EMC2: variants seen among roughly 807,000 people sequenced by gnomAD.
EMC2 encodes ER membrane protein complex subunit 2.
A neutral mutation model predicts 51.6 loss-of-function variants in EMC2; 37 were observed. That is an observed-to-expected ratio of 0.72 (90% confidence interval 0.55 to 0.94). EMC2 has a LOEUF of 0.94. EMC2 is among the 40% of genes least tolerant of loss of function. EMC2 has a pLI of 0.00. For synonymous variants in EMC2, 131 were observed against 112.4 expected (o/e 1.17, Z -1.04); for missense variants, 359 against 350.9 (o/e 1.02, Z -0.18).
chr8:108,486,544 T>C lies in EMC2; in HGVS notation c.840T>C (p.Tyr280=). Residue 280 remains tyrosine (Y), a synonymous_variant, in exon 11 of 11, where the codon TAT becomes TAC. Coordinates refer to ENST00000220853, the MANE Select transcript of EMC2 (RefSeq NM_014673.5). ...FAGRSKKETK[Y]SLKAVEDMLE... ...GTCGAAGTAAGAAGGAAACCAAATA[T>C]TCTCTTAAGGCTGTCGAAGACATGT... 2 of 1,594,840 alleles carry C rather than the reference T, an allele frequency of 1.3e-6. No homozygotes were observed. Among genetic ancestry groups the C allele is most frequent in the Non-Finnish European group, 1.7e-6 (2 of 1,172,632 alleles).
At chr8:108,463,518 T>A (rs561530266) in intron 5 of EMC2, among the ~76,000 whole-genome samples, 3 of 152,218 alleles carry the variant, frequency 2.0e-5, no homozygotes, top group Admixed American at 1.3e-4. Flanking sequence ...GAATACTTGT[T>A]GAAGGAATGC....
chr8:108,476,959 C>G, intron 9 of EMC2, 67 bp downstream of exon 9: 2 of 753,018 alleles, frequency 2.7e-6, no homozygotes, highest in Non-Finnish European at 4.7e-6. Context: ...TTAACTATCC[C>G]CTTCAATCAC....
At chr8:108,480,998 T>C (rs183956949) in intron 10 of EMC2, among the ~76,000 whole-genome samples, 1 of 152,270 alleles carries the variant, frequency 6.6e-6, no homozygotes, top group Admixed American at 6.5e-5. Flanking sequence ...TGGTTTTTGG[T>C]TTCTTGTAGA....
rs545190737 is a variant in EMC2 at position 108,457,616 on chromosome 8, C to G, written c.363+1686C>G. 8.5e-5 allele frequency among the ~76,000 whole-genome samples: 13 copies of G among 152,200 alleles called. 1 individual carries two copies. In the South Asian group the frequency reaches 2.7e-3, roughly 32 times the overall value. ...ACTCCCATTTTTAAAACCATCAGCTCTCACTATCAGAGACTCTTTCACTAT... is the reference window on the plus strand; with the variant it reads ...ACTCCCATTTTTAAAACCATCAGCTGTCACTATCAGAGACTCTTTCACTAT... On this transcript the variant is annotated intron_variant, in intron 5 of 10. Coordinates refer to ENST00000220853, the MANE Select transcript of EMC2 (RefSeq NM_014673.5).
At chr8:108,458,799 T>TAA (rs1819232109) in intron 5 of EMC2, among the ~76,000 whole-genome samples, 1 of 152,192 alleles carries the variant, frequency 6.6e-6, no homozygotes, top group Admixed American at 6.5e-5. Flanking sequence ...AACATTCAGC[T>TAA]CCTTGTTACT....
chr8:108,447,211 C>T lies in EMC2; in HGVS notation c.41-2612C>T, dbSNP rs115310218. ...CATTTTGTTTCATTCTCCCCCACTG[C>T]CCCCCCACCCCCAACAGATGCTGGA... On this transcript the variant is annotated intron_variant, in intron 1 of 10. Transcript: ENST00000220853. 6.7e-3 allele frequency among the ~76,000 whole-genome samples: 956 copies of T among 141,920 alleles called. 9 individuals carry two copies. The highest frequency in any genetic ancestry group is 0.023 in the African/African-American group (906 of 39,016). The allele number at this position is 141,920 out of a possible 152,430, so 93.1% of individuals were successfully genotyped here. A position where few individuals can be genotyped will look rare whatever the true frequency, so the allele number is the denominator to read the frequency against.
At chr8:108,476,043 T>A (rs899580997) in intron 8 of EMC2, 80 bp downstream of exon 8, 3 of 743,342 alleles carry the variant, frequency 4.0e-6, no homozygotes, top group South Asian at 3.7e-5. Flanking sequence ...AATATTTCCT[T>A]GATGTTAAGC....
Position 108,488,555 on chromosome 8 carries a change from A to G in EMC2, c.*1957A>G, listed in dbSNP as rs1269978318. Among the ~76,000 whole-genome samples, 3 of 152,306 alleles carry G rather than the reference A, an allele frequency of 2.0e-5. No individual in the cohort carries two copies. The East Asian group carries it at 5.8e-4, about 29-fold the overall frequency. ...AATCCTTAGTTATTTATAAACTTCA[A>G]CTTAAATGTACTGATAATCCCATTA... On this transcript the variant is annotated 3_prime_UTR_variant, in exon 11 of 11. Coordinates refer to ENST00000220853, the MANE Select transcript of EMC2 (RefSeq NM_014673.5).
At chr8:108,472,356 A>G (rs941149044) in intron 7 of EMC2, among the ~76,000 whole-genome samples, 6 of 151,946 alleles carry the variant, frequency 3.9e-5, no homozygotes, top group Admixed American at 1.3e-4. Flanking sequence ...TTATTGAAAC[A>G]GAGGTGAATG....
intron 4 of EMC2, among the ~76,000 whole-genome samples, chr8:108,455,622 AT>A (rs1008493419): frequency 2.0e-5 from 3 of 152,034 alleles, no homozygotes; most frequent in African/African-American, 7.2e-5. Flanking sequence ...TTGAATCAGT[AT>A]TTTTTTAAGG....
intron 5 of EMC2, among the ~76,000 whole-genome samples, chr8:108,461,450 A>G (rs943559822): frequency 2.0e-5 from 3 of 152,184 alleles, no homozygotes; most frequent in African/African-American, 7.2e-5. Flanking sequence ...GATTTATTAA[A>G]TTCTCTTTCT....
chr8:108,467,071 A>G (rs989407104), intron 5 of EMC2, among the ~76,000 whole-genome samples: 2 of 152,158 alleles, frequency 1.3e-5, no homozygotes, highest in Non-Finnish European at 2.9e-5. Context: ...GAAGAGATGT[A>G]ATTATCACTG....
At chr8:108,452,123 G>A (rs540760881) in intron 3 of EMC2, among the ~76,000 whole-genome samples, 70 of 152,276 alleles carry the variant, frequency 4.6e-4, no homozygotes, top group Admixed American at 7.2e-4. Flanking sequence ...TCCTTCATAT[G>A]TTGCTGAGAA....
intron 1 of EMC2, among the ~76,000 whole-genome samples, chr8:108,447,443 T>A (rs1818904376): frequency 6.6e-6 from 1 of 152,172 alleles, no homozygotes; most frequent in African/African-American, 2.4e-5. Flanking sequence ...TAATTTAAAA[T>A]TTATTATCCT....
intron 8 of EMC2, among the ~76,000 whole-genome samples, chr8:108,476,321 GTATT>G (rs543328171): frequency 2.5e-3 from 374 of 151,940 alleles, no homozygotes; most frequent in African/African-American, 7.9e-3. Context: ...TGGGACATAA[GTATT>G]TATTTAATTT....
intron 4 of EMC2, among the ~76,000 whole-genome samples, chr8:108,455,037 T>A (rs1233504429): frequency 1.3e-5 from 2 of 152,082 alleles, no homozygotes; most frequent in African/African-American, 4.8e-5. Context: ...TTGAATTTTA[T>A]ATGCGTTGGT....
chr8:108,461,466 G>A (rs1819317503), intron 5 of EMC2, among the ~76,000 whole-genome samples: 1 of 152,148 alleles, frequency 6.6e-6, no homozygotes, highest in African/African-American at 2.4e-5. Flanking sequence ...TTTCTTTGAT[G>A]ACTTGCTGCA....
intron 5 of EMC2, 78 bp from the exon 6 acceptor site, chr8:108,469,748 T>C: frequency 8.4e-7 from 1 of 1,192,690 alleles, no homozygotes; most frequent in African/African-American, 1.5e-5. Context: ...AGATAATAAT[T>C]TGCACAGTCA....
At chr8:108,476,034 A>C (rs1040838220) in intron 8 of EMC2, 71 bp downstream of exon 8, 2 of 792,740 alleles carry the variant, frequency 2.5e-6, no homozygotes, top group Non-Finnish European at 4.1e-6. Context: ...GGAACTAAGA[A>C]TATTTCCTTG....
Sources: gnomAD v4.1 joint callset for allele counts (sites outside exome capture counted in the v4.1 genomes callset) on GRCh38, gnomAD v4.1.1 for gene constraint, MANE v1.5 for transcripts, NCBI Gene and HGNC (gene_info 2026-07-23, HGNC 2026-07-21) for gene names.